PLA2G4A: variants seen among roughly 807,000 people sequenced by gnomAD.
PLA2G4A encodes the protein phospholipase A2 group IVA, also known as cytosolic phospholipase A2.
In PLA2G4A, 40 loss-of-function variants were observed where a neutral mutation model predicts 81.9. That is an observed-to-expected ratio of 0.49 (90% confidence interval 0.38 to 0.64). PLA2G4A has a LOEUF of 0.64. PLA2G4A is among the 30% of genes least tolerant of loss of function. The probability of loss-of-function intolerance (pLI) is 0.00; values close to 1 mark genes in which losing one functional copy is unlikely to be tolerated. For synonymous variants in PLA2G4A, 302 were observed against 296.9 expected (o/e 1.02, Z -0.18); for missense variants, 715 against 905.1 (o/e 0.79, Z 2.69).
intron 15 of PLA2G4A, among the ~76,000 whole-genome samples, chr1:186,969,162 C>T (rs991795581): frequency 6.6e-6 from 1 of 151,516 alleles, no homozygotes; most frequent in African/African-American, 2.4e-5. Flanking sequence ...TTTATTGTTT[C>T]AAATATTTAT....
At chr1:186,874,278 G>A (rs1360740374) in intron 3 of PLA2G4A, among the ~76,000 whole-genome samples, 1 of 152,034 alleles carries the variant, frequency 6.6e-6, no homozygotes, top group Non-Finnish European at 1.5e-5. Context: ...GTGCCTGTAA[G>A]AAACAGAACA....
At chr1:186,905,849 T>G (rs1179725450) in intron 5 of PLA2G4A, among the ~76,000 whole-genome samples, 1 of 152,224 alleles carries the variant, frequency 6.6e-6, no homozygotes, top group Non-Finnish European at 1.5e-5. Context: ...TTTGTATAGA[T>G]GTTTTCAATA....
intron 4 of PLA2G4A, 141 bp downstream of exon 4, chr1:186,893,300 T>C: frequency 6.3e-6 from 5 of 788,368 alleles, no homozygotes; most frequent in Non-Finnish European, 1.1e-5. Flanking sequence ...AGAATCTAAA[T>C]GGTGTCTGTC....
chr1:186,917,249 CA>C (rs201306536), intron 7 of PLA2G4A, among the ~76,000 whole-genome samples: 1,744 of 152,250 alleles, frequency 0.011, 33 homozygotes, highest in African/African-American at 0.04. Context: ...CTCATTTACC[CA>C]AGTTGAGATT....
intron 1 of PLA2G4A, among the ~76,000 whole-genome samples, chr1:186,841,952 A>G (rs1651996742): frequency 6.6e-6 from 1 of 152,082 alleles, no homozygotes; most frequent in South Asian, 2.1e-4. Context: ...GAGCTTTTTA[A>G]ATAATCAGAT....
chr1:186,846,242 CT>C (rs1465311292), intron 1 of PLA2G4A, among the ~76,000 whole-genome samples: 1 of 152,164 alleles, frequency 6.6e-6, no homozygotes, highest in African/African-American at 2.4e-5. Context: ...GAAAGGACGG[CT>C]GCCTATTCCT....
At chr1:186,856,898 G>A (rs956933694) in intron 2 of PLA2G4A, among the ~76,000 whole-genome samples, 1 of 149,890 alleles carries the variant, frequency 6.7e-6, no homozygotes, top group Non-Finnish European at 1.5e-5. Flanking sequence ...GTCTGAAGGC[G>A]GGATATAATA....
At chr1:186,914,777 C>A (rs1156566995) in intron 7 of PLA2G4A, among the ~76,000 whole-genome samples, 1 of 152,104 alleles carries the variant, frequency 6.6e-6, no homozygotes, top group Non-Finnish European at 1.5e-5. Flanking sequence ...TTTACTTCTT[C>A]TTTCTTTGGA....
intron 9 of PLA2G4A, 35 bp downstream of exon 9, chr1:186,939,265 C>G (rs1467183885): frequency 4.4e-6 from 4 of 910,974 alleles, no homozygotes; most frequent in African/African-American, 1.6e-5. Flanking sequence ...GCTTTTATAA[C>G]AAGTAGACAG....
intron 1 of PLA2G4A, among the ~76,000 whole-genome samples, chr1:186,830,966 C>A (rs1173435134): frequency 1.5e-5 from 1 of 65,308 alleles, no homozygotes; most frequent in African/African-American, 6.0e-5. Context: ...TGCTTTCTTT[C>A]TTTCTTTCTT....
chr1:186,854,253 G>A, intron 1 of PLA2G4A, 33 bp from the exon 2 acceptor site: 1 of 761,984 alleles, frequency 1.3e-6, no homozygotes, highest in African/African-American at 1.7e-5. Context: ...CATCCAAGAG[G>A]AAGCTTAACA....
At chr1:186,935,412 T>TA (rs1553217017) in intron 8 of PLA2G4A, among the ~76,000 whole-genome samples, 4 of 150,606 alleles carry the variant, frequency 2.7e-5, no homozygotes, top group African/African-American at 9.8e-5. Context: ...GTTTTTATTT[T>TA]TTTTTTTTTC....
chr1:186,854,010 C>T (rs1284971260), intron 1 of PLA2G4A, among the ~76,000 whole-genome samples: 2 of 151,872 alleles, frequency 1.3e-5, no homozygotes, highest in East Asian at 3.9e-4. Flanking sequence ...TCATAAAATA[C>T]TTGGCAAATG....
chr1:186,939,683 G>T (rs557822170), intron 9 of PLA2G4A, among the ~76,000 whole-genome samples: 1 of 152,116 alleles, frequency 6.6e-6, no homozygotes, highest in Non-Finnish European at 1.5e-5. Flanking sequence ...GCAGAGGAGC[G>T]CCTGTGACAG....
intron 1 of PLA2G4A, among the ~76,000 whole-genome samples, chr1:186,839,537 G>C (rs1651903613): frequency 6.6e-6 from 1 of 152,162 alleles, no homozygotes; most frequent in Admixed American, 6.5e-5. Flanking sequence ...CTCATCCGCA[G>C]AACCTCAACT....
chr1:186,884,204 A>T (rs987251739), intron 3 of PLA2G4A, among the ~76,000 whole-genome samples: 1 of 151,942 alleles, frequency 6.6e-6, no homozygotes, highest in Non-Finnish European at 1.5e-5. Context: ...CATATTTTTT[A>T]AATTGTGAGA....
chr1:186,982,592 A>C (rs1657756558), intron 17 of PLA2G4A, among the ~76,000 whole-genome samples: 1 of 152,118 alleles, frequency 6.6e-6, no homozygotes, highest in Admixed American at 6.5e-5. Flanking sequence ...GTCAGTATAT[A>C]TTTTCTGAAT....
intron 5 of PLA2G4A, among the ~76,000 whole-genome samples, chr1:186,898,455 G>A (rs1654418963): frequency 6.6e-6 from 1 of 152,126 alleles, no homozygotes; most frequent in Non-Finnish European, 1.5e-5. Context: ...AGTATCCTGT[G>A]AACTCTCTAG....
chr1:186,987,148 T>A (rs549554509), intron 17 of PLA2G4A, among the ~76,000 whole-genome samples: 1 of 152,354 alleles, frequency 6.6e-6, no homozygotes, highest in South Asian at 2.1e-4. Context: ...GAAAAATAAT[T>A]GCATGTTTGC....
Sources: allele counts gnomAD v4.1 joint callset (sites outside exome capture counted in the v4.1 genomes callset), GRCh38; gene constraint gnomAD v4.1.1; transcripts MANE v1.5; gene names NCBI Gene and HGNC (gene_info 2026-07-23, HGNC 2026-07-21).